The following ANKFN1 variants were observed in gnomAD, a reference collection of about 807,000 sequenced individuals.
ANKFN1 encodes ankyrin repeat and fibronectin type III domain containing 1, also known as ankyrin repeat and fibronectin type-III domain-containing protein 1.
In ANKFN1, 74 loss-of-function variants were observed where a neutral mutation model predicts 108.7. That is an observed-to-expected ratio of 0.68 (90% CI 0.56 to 0.83). The LOEUF is 0.83. Among genes scored for constraint, ANKFN1 ranks in the 40% least tolerant of loss-of-function variants. The probability of loss-of-function intolerance (pLI) is 0.00; values close to 1 mark genes in which losing one functional copy is unlikely to be tolerated. For synonymous variants in ANKFN1, 547 were observed against 516.2 expected (o/e 1.06, Z -0.81); for missense variants, 1,505 against 1,382.3 (o/e 1.09, Z -1.41).
At chr17:56,285,620 A>G (rs2044194260) in intron 3 of ANKFN1, among the ~76,000 whole-genome samples, 1 of 152,110 alleles carries the variant, frequency 6.6e-6, no homozygotes, top group Non-Finnish European at 1.5e-5. Flanking sequence ...CTCTCTCCCC[A>G]TGTATAACTC....
intron 8 of ANKFN1, among the ~76,000 whole-genome samples, chr17:56,405,455 A>T (rs1446963269): frequency 5.3e-5 from 8 of 152,202 alleles, no homozygotes; most frequent in Non-Finnish European, 1.2e-4. Flanking sequence ...AATTATTGTC[A>T]CCCTTATGGA....
At chr17:56,240,664 G>T (rs550330166) in intron 3 of ANKFN1, among the ~76,000 whole-genome samples, 1 of 151,914 alleles carries the variant, frequency 6.6e-6, no homozygotes, top group African/African-American at 2.4e-5. Context: ...TGTAAGTTTC[G>T]GTTTCTCCAA....
chr17:56,448,406 TCA>T (rs1419592465), intron 10 of ANKFN1, among the ~76,000 whole-genome samples: 2 of 152,114 alleles, frequency 1.3e-5, no homozygotes, highest in Middle Eastern at 3.2e-3. Context: ...GAGAAAAATC[TCA>T]GTGGGTATTG....
intron 4 of ANKFN1, among the ~76,000 whole-genome samples, chr17:56,093,671 G>C (rs540321376): frequency 2.0e-5 from 3 of 151,388 alleles, no homozygotes; most frequent in Non-Finnish European, 4.4e-5. Context: ...TCCCAAGTTT[G>C]CTTTCGCAAG....
At chr17:56,368,006 C>G in intron 6 of ANKFN1, 1 of 280,916 alleles carries the variant, frequency 3.6e-6, no homozygotes, top group East Asian at 7.8e-5. Flanking sequence ...CATCCCATCT[C>G]CCTGGGTCTC....
At chr17:56,066,327 G>A (rs764096161) in intron 4 of ANKFN1, among the ~76,000 whole-genome samples, 2 of 152,160 alleles carry the variant, frequency 1.3e-5, no homozygotes, top group Non-Finnish European at 2.9e-5. Context: ...TTCAGTGCTC[G>A]GTACCTATGC....
intron 6 of ANKFN1, among the ~76,000 whole-genome samples, chr17:56,357,304 A>G (rs550891338): frequency 6.6e-6 from 1 of 152,346 alleles, no homozygotes; most frequent in East Asian, 1.9e-4. Flanking sequence ...ACCCTACAGG[A>G]TAAAGTTATT....
intron 6 of ANKFN1, among the ~76,000 whole-genome samples, chr17:56,368,957 A>T (rs1050025489): frequency 6.6e-6 from 1 of 152,216 alleles, no homozygotes; most frequent in African/African-American, 2.4e-5. Flanking sequence ...GCAACAGATA[A>T]GTTTGCAGTT....
At chr17:56,240,240 G>A (rs1302155426) in intron 3 of ANKFN1, among the ~76,000 whole-genome samples, 1 of 151,968 alleles carries the variant, frequency 6.6e-6, no homozygotes, top group Non-Finnish European at 1.5e-5. Flanking sequence ...TTCTCTATCA[G>A]TGAGCAATAT....
intron 19 of ANKFN1, among the ~76,000 whole-genome samples, chr17:56,495,697 CT>C (rs991776869): frequency 6.6e-6 from 1 of 152,102 alleles, no homozygotes; most frequent in African/African-American, 2.4e-5. Context: ...ATATTTTGAG[CT>C]GCTAAAGCCT....
At chr17:56,391,212 C>CATATATATAT (rs202114506) in intron 8 of ANKFN1, among the ~76,000 whole-genome samples, 253 of 121,292 alleles carry the variant, frequency 2.1e-3, no homozygotes, top group African/African-American at 4.7e-3. Context: ...CCCAAGAATA[C>CATATATATAT]ATATATATAT....
chr17:56,317,728 G>C (rs1312130108), intron 3 of ANKFN1, among the ~76,000 whole-genome samples: 1 of 152,058 alleles, frequency 6.6e-6, no homozygotes, highest in African/African-American at 2.4e-5. Context: ...TTTCCTTCCT[G>C]GTGTGTCCCT....
chr17:56,068,009 G>T (rs781462158), intron 4 of ANKFN1, among the ~76,000 whole-genome samples: 1 of 151,952 alleles, frequency 6.6e-6, no homozygotes, highest in Non-Finnish European at 1.5e-5. Context: ...TTCCTTTTCT[G>T]CCACTCCCTG....
intron 6 of ANKFN1, among the ~76,000 whole-genome samples, chr17:56,363,745 C>A (rs1567945534): frequency 6.6e-6 from 1 of 151,898 alleles, no homozygotes; most frequent in Non-Finnish European, 1.5e-5. Flanking sequence ...TACTATTCAG[C>A]CTTTAAAAAG....
chr17:56,160,569 G>A (rs771428210), intron 1 of ANKFN1, among the ~76,000 whole-genome samples: 11 of 152,132 alleles, frequency 7.2e-5, no homozygotes, highest in Non-Finnish European at 1.5e-4. Context: ...ATGCCACTTT[G>A]ATTACTGATG....
At chr17:56,176,289 G>A (rs79359662) in intron 1 of ANKFN1, among the ~76,000 whole-genome samples, 130 of 152,196 alleles carry the variant, frequency 8.5e-4, no homozygotes, top group African/African-American at 2.5e-3. Context: ...CTGGAGAGAG[G>A]GGAAATGGAG....
intron 3 of ANKFN1, among the ~76,000 whole-genome samples, chr17:56,302,651 TTAAAAG>T (rs765405648): frequency 6.3e-4 from 95 of 151,844 alleles, no homozygotes; most frequent in Non-Finnish European, 1.2e-3. Context: ...GAGAACAGAG[TTAAAAG>T]TTAAAGTTCT....
At chr17:56,336,196 C>A (rs1189721921) in intron 4 of ANKFN1, among the ~76,000 whole-genome samples, 1 of 152,076 alleles carries the variant, frequency 6.6e-6, no homozygotes, top group African/African-American at 2.4e-5. Context: ...TGTGTCTCTG[C>A]CAGGCTTTGG....
At chr17:56,379,415 A>G (rs937106706) in intron 8 of ANKFN1, among the ~76,000 whole-genome samples, 1 of 152,004 alleles carries the variant, frequency 6.6e-6, no homozygotes, top group Non-Finnish European at 1.5e-5. Context: ...AAAAAAAAAA[A>G]AGGTCAAAGT....
Sources: allele counts gnomAD v4.1 joint callset (sites outside exome capture counted in the v4.1 genomes callset), GRCh38; gene constraint gnomAD v4.1.1; transcripts MANE v1.5; gene names NCBI Gene and HGNC (gene_info 2026-07-23, HGNC 2026-07-21).